The following KCNQ5 variants were observed in gnomAD, a reference collection of about 807,000 sequenced individuals.
The protein encoded by KCNQ5 is potassium voltage-gated channel subfamily Q member 5, also known as potassium voltage-gated channel subfamily KQT member 5.
Under a neutral mutation model 98.2 loss-of-function variants are expected in KCNQ5, and 30 were observed. The ratio of observed to expected loss-of-function variants is 0.31; its 90% CI spans 0.23 to 0.41. The LOEUF (loss-of-function observed/expected upper bound fraction) is 0.41. KCNQ5 is among the 10% of genes least tolerant of loss of function. KCNQ5 has a pLI of 1.00. For missense variants in KCNQ5, 835 were observed against 1,182.5 expected (o/e 0.71, Z 4.31); for synonymous variants, 458 against 449.4 (o/e 1.02, Z -0.24).
At chr6:72,680,699 G>T (rs781512708) in intron 1 of KCNQ5, among the ~76,000 whole-genome samples, 2 of 152,130 alleles carry the variant, frequency 1.3e-5, no homozygotes, top group East Asian at 3.8e-4. Flanking sequence ...ATTTGCTAGT[G>T]TAAATTCATT....
intron 1 of KCNQ5, among the ~76,000 whole-genome samples, chr6:72,624,133 A>G (rs2154471322): frequency 6.6e-6 from 1 of 152,368 alleles, no homozygotes; most frequent in Non-Finnish European, 1.5e-5. Flanking sequence ...ATCAAAAAGT[A>G]TAACTTTTAT....
At chr6:72,645,309 T>A (rs1765538168) in intron 1 of KCNQ5, among the ~76,000 whole-genome samples, 1 of 150,028 alleles carries the variant, frequency 6.7e-6, no homozygotes, top group African/African-American at 2.5e-5. Context: ...TCACCTGAGC[T>A]CAGGAGTTTG....
At chr6:73,090,087 T>C (rs952855503) in intron 5 of KCNQ5, among the ~76,000 whole-genome samples, 3 of 144,808 alleles carry the variant, frequency 2.1e-5, no homozygotes, top group Admixed American at 7.2e-5. Context: ...TTTTTCCACT[T>C]TTTTATTATG....
intron 11 of KCNQ5, among the ~76,000 whole-genome samples, chr6:73,170,351 C>G (rs1777959377): frequency 6.6e-6 from 1 of 151,772 alleles, no homozygotes; most frequent in Non-Finnish European, 1.5e-5. Flanking sequence ...TTTGCTTCCT[C>G]TACTGATGGC....
chr6:72,880,772 T>C (rs1307995829), intron 1 of KCNQ5, among the ~76,000 whole-genome samples: 1 of 152,210 alleles, frequency 6.6e-6, no homozygotes, highest in African/African-American at 2.4e-5. Context: ...ATTACCTAAT[T>C]AGCTTTACTA....
chr6:73,145,514 T>A (rs1022598154), intron 10 of KCNQ5, among the ~76,000 whole-genome samples: 3 of 152,228 alleles, frequency 2.0e-5, no homozygotes, highest in Non-Finnish European at 4.4e-5. Flanking sequence ...TCTGCTCAAT[T>A]TATTCCCTTT....
At chr6:72,696,848 A>G (rs1392157989) in intron 1 of KCNQ5, among the ~76,000 whole-genome samples, 1 of 152,206 alleles carries the variant, frequency 6.6e-6, no homozygotes, top group Non-Finnish European at 1.5e-5. Context: ...TTGCATAAAG[A>G]AGAAATATAT....
At chr6:72,798,874 A>G (rs1288526701) in intron 1 of KCNQ5, among the ~76,000 whole-genome samples, 1 of 151,926 alleles carries the variant, frequency 6.6e-6, no homozygotes, top group Non-Finnish European at 1.5e-5. Context: ...CATTTTCCCT[A>G]TTTGTGTATA....
chr6:72,688,291 G>C (rs1219940163), intron 1 of KCNQ5, among the ~76,000 whole-genome samples: 1 of 152,066 alleles, frequency 6.6e-6, no homozygotes, highest in Non-Finnish European at 1.5e-5. Flanking sequence ...CAGGTTACTA[G>C]GTTCTTAAGG....
intron 3 of KCNQ5, among the ~76,000 whole-genome samples, chr6:73,075,041 G>C (rs1392693469): frequency 6.6e-6 from 1 of 152,104 alleles, no homozygotes; most frequent in African/African-American, 2.4e-5. Flanking sequence ...TGAAAACCAA[G>C]AGATGTGTTT....
chr6:73,055,123 C>G (rs1288081087), intron 3 of KCNQ5: 3 of 754,822 alleles, frequency 4.0e-6, no homozygotes, highest in Non-Finnish European at 7.4e-6. Flanking sequence ...TGGTGCAGAT[C>G]CAGCACAGCG....
chr6:73,189,769 T>G (rs891436750), intron 11 of KCNQ5, among the ~76,000 whole-genome samples: 2 of 152,222 alleles, frequency 1.3e-5, no homozygotes, highest in African/African-American at 4.8e-5. Context: ...CATCATGGAA[T>G]TTGTTGATGA....
chr6:73,064,880 T>C (rs967985893), intron 3 of KCNQ5, among the ~76,000 whole-genome samples: 7 of 152,176 alleles, frequency 4.6e-5, no homozygotes, highest in African/African-American at 1.7e-4. Context: ...TCATTCATGA[T>C]GACTCTCAGG....
At chr6:72,753,309 A>T (rs1384892300) in intron 1 of KCNQ5, among the ~76,000 whole-genome samples, 1 of 151,942 alleles carries the variant, frequency 6.6e-6, no homozygotes, top group African/African-American at 2.4e-5. Context: ...TTTGAGTTGG[A>T]TCCCATTTTA....
In KCNQ5 at chr6:73,125,770, C is replaced by G. The variant is rs1484454730; in HGVS notation, c.1247+1258C>G. 3.3e-5 allele frequency among the ~76,000 whole-genome samples: 5 copies of G among 152,260 alleles called. No individual in the cohort carries two copies. In the East Asian group the frequency reaches 7.7e-4, roughly 23 times the overall value. ...ACGATAGGATATACAACATCAGGCA[C>G]ATCTTCTGCGTAGGTAACCTACCCA... On this transcript the variant is annotated intron_variant, in intron 9 of 13. Coordinates refer to ENST00000370398, the MANE Select transcript of KCNQ5 (RefSeq NM_019842.4).
chr6:72,860,837 ATG>A (rs530909376), intron 1 of KCNQ5, among the ~76,000 whole-genome samples: 8 of 107,250 alleles, frequency 7.5e-5, no homozygotes, highest in African/African-American at 1.5e-4. Context: ...CTTTTAAGGC[ATG>A]TGTGTGTGTG....
At chr6:73,152,830 G>A (rs534491585) in intron 10 of KCNQ5, among the ~76,000 whole-genome samples, 2 of 152,310 alleles carry the variant, frequency 1.3e-5, no homozygotes, top group Non-Finnish European at 2.9e-5. Flanking sequence ...TCCCCAGAGA[G>A]TAGCTACTCA....
At chr6:73,189,127 A>G (rs949769466) in intron 11 of KCNQ5, among the ~76,000 whole-genome samples, 3 of 151,930 alleles carry the variant, frequency 2.0e-5, no homozygotes, top group Admixed American at 6.6e-5. Context: ...AGTTTTTTTG[A>G]TACAGGACAC....
intron 3 of KCNQ5, among the ~76,000 whole-genome samples, chr6:73,047,921 T>C (rs1772043909): frequency 6.6e-6 from 1 of 152,178 alleles, no homozygotes; most frequent in South Asian, 2.1e-4. Context: ...TCATGAGTGA[T>C]TGTATAAAAC....
Sources: gnomAD v4.1 joint callset for allele counts (sites outside exome capture counted in the v4.1 genomes callset) on GRCh38, gnomAD v4.1.1 for gene constraint, MANE v1.5 for transcripts, NCBI Gene and HGNC (gene_info 2026-07-23, HGNC 2026-07-21) for gene names.